Variants in GATA3 observed in about 807,000 individuals in gnomAD.
The protein encoded by GATA3 is trans-acting T-cell-specific transcription factor GATA-3.
In GATA3, 6 loss-of-function variants were observed where a neutral mutation model predicts 36.0. The observed-to-expected ratio is 0.17, with a 90% CI of 0.09 to 0.33. The LOEUF (loss-of-function observed/expected upper bound fraction) is 0.33, where lower values mean the gene tolerates loss of function less well. Ranked by LOEUF, GATA3 falls within the 10% of genes least tolerant of loss-of-function variation. GATA3 has a pLI of 1.00. For synonymous variants in GATA3, 326 were observed against 273.0 expected (o/e 1.19, Z -1.92); for missense variants, 514 against 610.1 (o/e 0.84, Z 1.66).
At chr10:8,071,394 A>G (rs969798157) in intron 5 of GATA3, among the ~76,000 whole-genome samples, 2 of 152,210 alleles carry the variant, frequency 1.3e-5, no homozygotes, top group African/African-American at 4.8e-5. Flanking sequence ...TCATCCCTAT[A>G]TTCGTGGAAG....
chr10:8,065,865 G>GAAA (rs36068913), intron 4 of GATA3, among the ~76,000 whole-genome samples: 2 of 69,804 alleles, frequency 2.9e-5, no homozygotes, highest in African/African-American at 6.0e-5. Context: ...AGAAGTGTTT[G>GAAA]AAAAAAAAAA....
chr10:8,051,178 G>A, upstream of GATA3: 1 of 480,236 alleles, frequency 2.1e-6, no homozygotes, highest in Non-Finnish European at 4.3e-6. Context: ...CTTGCACGTG[G>A]GCATGTGTTT....
Position 8,055,977 on chromosome 10 carries a change from C to A in GATA3, c.241+81C>A, listed in dbSNP as rs561659655. The A allele has an allele frequency of 4.6e-6, 7 of 1,526,836 alleles. No individual in the cohort carries two copies. Among genetic ancestry groups the A allele is most frequent in the Middle Eastern group, 3.7e-4 (2 of 5,352 alleles). The allele number at this position is 1,526,836 out of a possible 1,614,324, so 94.6% of individuals were successfully genotyped here. ...GGGGAGGTCGGGAGGGACCTGAGGG[C>A]GGGGAGAGGTCAAGCGAAAGCCCCC... is the stretch of plus-strand genomic sequence containing the variant. On this transcript the variant is annotated intron_variant, in intron 2 of 5. Transcript: ENST00000379328. This position sits in a 1 kb window ranked among gnomAD's most constrained non-coding sequence, Gnocchi z 5.4.
upstream of GATA3, among the ~76,000 whole-genome samples, chr10:8,049,529 C>T (rs1012364799): frequency 6.6e-6 from 1 of 152,118 alleles, no homozygotes; most frequent in African/African-American, 2.4e-5. Context: ...TTAACCTGCG[C>T]GGTCCGGGGC....
Position 8,054,840 on chromosome 10 carries a change from G to A in GATA3, c.-421G>A, listed in dbSNP as rs1832593503. 6.6e-6 allele frequency: 1 copy of A among 151,332 alleles called. No individual in the cohort carries two copies. The highest frequency in any genetic ancestry group is 6.6e-5 in the Admixed American group (1 of 15,234). The allele number at this position is 151,332 out of a possible 1,614,324, so 9.4% of individuals were successfully genotyped here. A position where few individuals can be genotyped will look rare whatever the true frequency, so the allele number is the denominator to read the frequency against. ...ACAGAGCGAGCAACGCAATCTGACC[G>A]AGCAGGTCGTACGCCGCCGCCTCCT... On this transcript the variant is annotated 5_prime_UTR_variant, in exon 1 of 6. Coordinates refer to ENST00000379328, the MANE Select transcript of GATA3 (RefSeq NM_001002295.2). The surrounding 1 kb of genome is among the most constrained non-coding windows in gnomAD (Gnocchi z 4.2).
At chr10:8,064,190 T>C in intron 4 of GATA3, 52 bp downstream of exon 4, 1 of 1,610,952 alleles carries the variant, frequency 6.2e-7, no homozygotes, top group Admixed American at 1.7e-5. Flanking sequence ...GGGTTTCTCA[T>C]TTCCTCTCTT....
upstream of GATA3, among the ~76,000 whole-genome samples, chr10:8,049,063 T>A (rs1298662371): frequency 4.7e-5 from 7 of 147,444 alleles, no homozygotes; most frequent in African/African-American, 1.8e-4. Context: ...TTTTAAACGG[T>A]GATCGATGAA....
chr10:8,069,508 C>T lies in GATA3; in HGVS notation c.960C>T (p.Asn320=), dbSNP rs764474372. ...GGAGAGCAGGGACGTCCTGTGCGAA[C>T]TGTCAGACCACCACAACCACACTCT... ...AARRAGTSCA[N]CQTTTTTLWR... is the part of the protein sequence containing the mutation. The change falls in exon 5 of 6, where the codon AAC becomes AAT. Residue 320 remains asparagine, a synonymous_variant. Transcript: ENST00000379328. 1 of 1,613,996 alleles carries T rather than the reference C, an allele frequency of 6.2e-7. No homozygotes were observed. Among genetic ancestry groups the T allele is most frequent in the Non-Finnish European group, 8.5e-7 (1 of 1,179,972 alleles).
Position 8,058,575 on chromosome 10 carries a change from G to T in GATA3, c.512G>T (p.Gly171Val). The change falls in exon 3 of 6, where the codon GGC becomes GTC. Residue 171 changes from glycine to valine, a missense_variant. Physicochemically the swap from Gly to Val is moderately radical, Grantham distance 109. Coordinates refer to ENST00000379328, the MANE Select transcript of GATA3 (RefSeq NM_001002295.2). ...CCGGACCCATCGCTGTCCACCCCAG[G>T]CTCGGCCGGCTCGGCCCGGCAGGAC... ...VSPDPSLSTP[G>V]SAGSARQDEK... The T allele has an allele frequency of 6.2e-7, 1 of 1,612,146 alleles. No homozygotes were observed. The highest frequency in any genetic ancestry group is 2.2e-5 in the East Asian group (1 of 44,850).
At chr10:8,048,320 G>A (rs1396510761) in intron 1 of GATA3, among the ~76,000 whole-genome samples, 1 of 152,208 alleles carries the variant, frequency 6.6e-6, no homozygotes, top group African/African-American at 2.4e-5. Context: ...AACACCGCGT[G>A]CACCCCACCT....
At position 8,069,349 on chromosome 10, in the gene GATA3, C is replaced by T. The variant is rs1026920325; in HGVS notation, c.925-124C>T. ...GTATTACTTTCATGTGGACCACTTG[C>T]TAGTTTTGATTTCAATGATAATTTC... On this transcript the variant is annotated intron_variant, in intron 4 of 5. Coordinates refer to ENST00000379328, the MANE Select transcript of GATA3 (RefSeq NM_001002295.2). 4.0e-6 allele frequency: 4 copies of T among 1,007,146 alleles called. No homozygotes were observed. In the African/African-American group the frequency reaches 6.4e-5, roughly 16 times the overall value. The allele number at this position is 1,007,146 out of a possible 1,614,324, so 62.4% of individuals were successfully genotyped here.
chr10:8,072,608 T>A (rs1832948440), intron 5 of GATA3, among the ~76,000 whole-genome samples: 2 of 152,248 alleles, frequency 1.3e-5, no homozygotes, highest in South Asian at 4.1e-4. Context: ...AAATGGCAGA[T>A]GTCTCCGAGA....
upstream of GATA3, among the ~76,000 whole-genome samples, chr10:8,049,947 G>A (rs868433497): frequency 2.4e-4 from 37 of 152,284 alleles, no homozygotes; most frequent in African/African-American, 8.9e-4. Flanking sequence ...GGGGACCTCC[G>A]CGGCGGCCAC....
intron 5 of GATA3, among the ~76,000 whole-genome samples, chr10:8,070,837 A>G (rs1832920195): frequency 6.6e-6 from 1 of 152,090 alleles, no homozygotes; most frequent in African/African-American, 2.4e-5. Flanking sequence ...ATGAAACTAG[A>G]GTCTTACTAC....
At position 8,069,549 on chromosome 10, in the gene GATA3, A is replaced by G. The variant is rs756230531; in HGVS notation, c.1001A>G (p.Asn334Ser). The G allele has an allele frequency of 5.0e-6, 8 of 1,613,906 alleles. No individual in the cohort carries two copies. Among genetic ancestry groups the G allele is most frequent in the South Asian group, 1.1e-5 (1 of 91,076 alleles). Residue 334 changes from asparagine (N) to serine (S), a missense_variant, in exon 5 of 6, where the codon AAT becomes AGT. Physicochemically the swap from Asn to Ser is conservative, Grantham distance 46 (BLOSUM62 1). This residue lies in a region of GATA3 where 44 missense variants were observed against 151.5 expected (regional missense o/e 0.29). Transcript: ENST00000379328. ...TTTTLWRRNA[N>S]GDPVCNACGL... ...ACCACACTCTGGAGGAGGAATGCCA[A>G]TGGGGACCCTGTCTGCAATGCCTGT...
chr10:8,048,827 C>T (rs1832424211), upstream of GATA3, among the ~76,000 whole-genome samples: 2 of 152,306 alleles, frequency 1.3e-5, no homozygotes, highest in Admixed American at 6.5e-5. Flanking sequence ...TCCCCCTTTC[C>T]GCTGCACCCC....
Position 8,048,349 on chromosome 10 carries a change from C to T in GATA3, c.-370+2834C>T, listed in dbSNP as rs187251480. On this transcript the variant is annotated intron_variant, in intron 1 of 1. Transcript: ENST00000643001. ...CCCACCTCACCCGGCAATGCTAAGG[C>T]CTGGTGGGCCAAGCCTTGAAATGGG... Among the ~76,000 whole-genome samples the T allele has an allele frequency of 5.3e-5, 8 of 152,316 alleles. No homozygotes were observed. The East Asian group carries it at 1.2e-3, about 22-fold the overall frequency.
At chr10:8,071,329 T>C (rs1437511748) in intron 5 of GATA3, among the ~76,000 whole-genome samples, 1 of 152,174 alleles carries the variant, frequency 6.6e-6, no homozygotes, top group African/African-American at 2.4e-5. Flanking sequence ...GGAAAGGGAA[T>C]GCTCTCTTTT....
chr10:8,067,740 C>T (rs1832868460), intron 4 of GATA3, among the ~76,000 whole-genome samples: 1 of 152,212 alleles, frequency 6.6e-6, no homozygotes, highest in Admixed American at 6.5e-5. Context: ...ATGGTGTGAA[C>T]CCAGGAGGCG....
Sources: gnomAD v4.1 joint callset for allele counts (sites outside exome capture counted in the v4.1 genomes callset) on GRCh38, gnomAD v4.1.1 for gene constraint, gnomAD v4.1.1 regional missense constraint, Gnocchi (gnomAD v3.1) non-coding constraint, MANE v1.5 for transcripts, NCBI Gene and HGNC (gene_info 2026-07-23, HGNC 2026-07-21) for gene names.